MYO1E: variants seen among roughly 807,000 people sequenced by gnomAD.
MYO1E encodes unconventional myosin-Ie.
A neutral mutation model predicts 151.1 loss-of-function variants in MYO1E; 68 were observed. That is an observed-to-expected ratio of 0.45 (90% CI 0.37 to 0.55). The LOEUF is 0.55. MYO1E is among the 20% of genes least tolerant of loss of function. The pLI, the probability that MYO1E is intolerant of heterozygous loss-of-function variation, is 0.00. For missense variants in MYO1E, 1,363 were observed against 1,389.3 expected (o/e 0.98, Z 0.30); for synonymous variants, 601 against 501.7 (o/e 1.20, Z -2.64).
At chr15:59,276,572 T>G (rs917571406) in intron 1 of MYO1E, among the ~76,000 whole-genome samples, 3 of 152,240 alleles carry the variant, frequency 2.0e-5, no homozygotes, top group African/African-American at 7.2e-5. Context: ...ACATTCCGTT[T>G]CTAAGGATGA....
chr15:59,252,120 T>C (rs373412074), intron 4 of MYO1E, among the ~76,000 whole-genome samples: 1 of 152,190 alleles, frequency 6.6e-6, no homozygotes, highest in African/African-American at 2.4e-5. Context: ...AACTCTGAAA[T>C]CTTAAAAATT....
intron 19 of MYO1E, among the ~76,000 whole-genome samples, chr15:59,176,319 C>A (rs1189432278): frequency 6.6e-6 from 1 of 152,188 alleles, no homozygotes; most frequent in Admixed American, 6.5e-5. Context: ...CTCAGCCCCC[C>A]AAAGTGCTGG....
At chr15:59,287,588 G>T (rs1202561565) in intron 1 of MYO1E, among the ~76,000 whole-genome samples, 4 of 152,216 alleles carry the variant, frequency 2.6e-5, no homozygotes, top group Non-Finnish European at 5.9e-5. Context: ...CAATAGAGCA[G>T]GTCCTCGGAT....
intron 1 of MYO1E, among the ~76,000 whole-genome samples, chr15:59,280,124 T>C (rs956658169): frequency 1.3e-5 from 2 of 152,182 alleles, no homozygotes; most frequent in Admixed American, 6.5e-5. Flanking sequence ...CTTGCAGATA[T>C]AGCAAACTTT....
At chr15:59,139,183 C>T (rs2079392150) in intron 26 of MYO1E, among the ~76,000 whole-genome samples, 2 of 151,990 alleles carry the variant, frequency 1.3e-5, no homozygotes, top group African/African-American at 4.8e-5. Flanking sequence ...CTCATTACTC[C>T]AGAGACTTCC....
chr15:59,153,899 G>C, intron 25 of MYO1E, 108 bp from the exon 26 acceptor site: 1 of 1,052,916 alleles, frequency 9.5e-7, no homozygotes, highest in Non-Finnish European at 1.4e-6. Context: ...CTTAACTTCT[G>C]AGTCTCAATT....
At chr15:59,347,217 C>T (rs541319846) in intron 1 of MYO1E, among the ~76,000 whole-genome samples, 43 of 152,296 alleles carry the variant, frequency 2.8e-4, no homozygotes, top group African/African-American at 9.9e-4. Flanking sequence ...GCACTAGATT[C>T]CCATAGAAGC....
intron 12 of MYO1E, among the ~76,000 whole-genome samples, chr15:59,211,941 C>A (rs541320666): frequency 6.6e-6 from 1 of 152,152 alleles, no homozygotes; most frequent in East Asian, 1.9e-4. Context: ...TGACTCATCC[C>A]ACTCTATAAG....
chr15:59,206,776 G>A (rs1227867328), intron 14 of MYO1E: 1 of 645,352 alleles, frequency 1.5e-6, no homozygotes, highest in Non-Finnish European at 2.6e-6. Context: ...AGCACGTGTC[G>A]GAGACTCTGG....
At chr15:59,247,497 C>A (rs1442462190) in intron 4 of MYO1E, among the ~76,000 whole-genome samples, 1 of 152,168 alleles carries the variant, frequency 6.6e-6, no homozygotes, top group Non-Finnish European at 1.5e-5. Flanking sequence ...TTTTTAGATG[C>A]AGCTTCAAAA....
chr15:59,269,022 T>C (rs1301377613), intron 2 of MYO1E, among the ~76,000 whole-genome samples: 1 of 152,064 alleles, frequency 6.6e-6, no homozygotes, highest in Non-Finnish European at 1.5e-5. Context: ...AAAATATAAT[T>C]TGTACAACTA....
intron 26 of MYO1E, among the ~76,000 whole-genome samples, chr15:59,149,141 C>CT (rs1168397343): frequency 6.8e-6 from 1 of 147,440 alleles, no homozygotes; most frequent in Non-Finnish European, 1.5e-5. Context: ...ACTGCAAGCT[C>CT]TGCCTCCTGG....
intron 1 of MYO1E, among the ~76,000 whole-genome samples, chr15:59,363,843 T>G (rs145405265): frequency 6.6e-6 from 1 of 152,302 alleles, no homozygotes; most frequent in East Asian, 1.9e-4. Flanking sequence ...TGGCAAGATC[T>G]TGGTTCACCA....
At chr15:59,294,259 C>T (rs2080436487) in intron 1 of MYO1E, among the ~76,000 whole-genome samples, 1 of 152,032 alleles carries the variant, frequency 6.6e-6, no homozygotes, top group South Asian at 2.1e-4. Context: ...TGATCGTGCC[C>T]CTTAGAGGTC....
At chr15:59,186,258 C>T (rs1358584728) in intron 18 of MYO1E, among the ~76,000 whole-genome samples, 4 of 152,016 alleles carry the variant, frequency 2.6e-5, no homozygotes, top group Non-Finnish European at 5.9e-5. Context: ...ATCATTAGCT[C>T]TTTTTTAAAA....
chr15:59,250,393 C>T (rs142986606), intron 4 of MYO1E, among the ~76,000 whole-genome samples: 275 of 152,174 alleles, frequency 1.8e-3, no homozygotes, highest in South Asian at 5.0e-3. Context: ...GTTTTCTGGT[C>T]GGCAATACTG....
rs989283486 is a variant in MYO1E at position 59,166,677 on chromosome 15, C to T, written c.2481-3374G>A. On this transcript the variant is annotated intron_variant, in intron 22 of 27. Transcript: ENST00000288235. ...TTTAGGAAACTGGAAGATACGGAGG[C>T]GAATCAAGAAGAAAATAAACCTTGC... Among the ~76,000 whole-genome samples, 57 of 151,892 alleles carry T rather than the reference C, an allele frequency of 3.8e-4. 2 individuals are homozygous for T. The highest frequency in any genetic ancestry group is 3.0e-3 in the Admixed American group (45 of 15,250).
intron 4 of MYO1E, among the ~76,000 whole-genome samples, chr15:59,250,198 G>T (rs190935163): frequency 2.9e-4 from 44 of 152,282 alleles, no homozygotes; most frequent in Non-Finnish European, 4.6e-4. Context: ...CTTTCTTGGG[G>T]GCTTTGACCA....
intron 2 of MYO1E, among the ~76,000 whole-genome samples, chr15:59,270,487 G>C (rs748185517): frequency 5.4e-5 from 8 of 149,066 alleles, no homozygotes; most frequent in Non-Finnish European, 1.0e-4. Context: ...AGGTTGCAGT[G>C]AGCTGGGATC....
Sources: gnomAD v4.1 joint callset for allele counts (sites outside exome capture counted in the v4.1 genomes callset) on GRCh38, gnomAD v4.1.1 for gene constraint, MANE v1.5 for transcripts, NCBI Gene and HGNC (gene_info 2026-07-23, HGNC 2026-07-21) for gene names.